The following PLPP4 variants were observed in gnomAD, a reference collection of about 807,000 sequenced individuals.
PLPP4 encodes the protein diacylglycerol pyrophosphate like 2.
PLPP4 carries 20 observed loss-of-function variants against 32.2 expected under a neutral mutation model. The observed-to-expected ratio is 0.62, with a 90% confidence interval of 0.44 to 0.90. The LOEUF is 0.90. Among genes scored for constraint, PLPP4 ranks in the 40% least tolerant of loss-of-function variants. PLPP4 has a pLI of 0.00. For missense variants in PLPP4, 257 were observed against 353.1 expected (o/e 0.73, Z 2.18); for synonymous variants, 127 against 133.0 (o/e 0.95, Z 0.31).
At chr10:120,546,530 C>G (rs537770784) in intron 5 of PLPP4, among the ~76,000 whole-genome samples, 3 of 152,166 alleles carry the variant, frequency 2.0e-5, no homozygotes, top group Non-Finnish European at 4.4e-5. Flanking sequence ...TGCATTTTCT[C>G]TCCTACCCAT....
chr10:120,548,787 A>G (rs11199394), intron 5 of PLPP4, among the ~76,000 whole-genome samples: 7,984 of 152,056 alleles, frequency 0.053, 308 homozygotes, highest in South Asian at 0.2. Context: ...ATGAAATGGT[A>G]TCTCTTGGTG....
At chr10:120,564,401 A>G (rs187043137) in intron 5 of PLPP4, among the ~76,000 whole-genome samples, 3 of 152,046 alleles carry the variant, frequency 2.0e-5, no homozygotes, top group African/African-American at 7.2e-5. Context: ...GTTTTTATAA[A>G]TATTCTATAT....
intron 5 of PLPP4, among the ~76,000 whole-genome samples, chr10:120,536,213 AAGAC>A (rs1424025749): frequency 6.6e-6 from 1 of 152,122 alleles, no homozygotes; most frequent in African/African-American, 2.4e-5. Context: ...TTTGCATGAA[AAGAC>A]AGAAGACCCC....
chr10:120,583,695 G>A (rs1849622561), intron 6 of PLPP4, among the ~76,000 whole-genome samples: 1 of 152,200 alleles, frequency 6.6e-6, no homozygotes, highest in Admixed American at 6.5e-5. Flanking sequence ...ACCATACAAT[G>A]TGTGGCCATT....
intron 5 of PLPP4, among the ~76,000 whole-genome samples, chr10:120,535,750 G>A (rs7069941): frequency 0.083 from 12,698 of 152,088 alleles, 598 homozygotes; most frequent in African/African-American, 0.12. Context: ...GTGACTTCAT[G>A]TGGATGCAAA....
At chr10:120,585,936 C>T (rs1343668662) in intron 6 of PLPP4, among the ~76,000 whole-genome samples, 1 of 152,188 alleles carries the variant, frequency 6.6e-6, no homozygotes, top group Non-Finnish European at 1.5e-5. Context: ...GTATTCCTTG[C>T]CTTTCTCCCA....
intron 6 of PLPP4, among the ~76,000 whole-genome samples, chr10:120,583,342 A>G (rs1849606967): frequency 6.6e-6 from 1 of 151,886 alleles, no homozygotes; most frequent in Admixed American, 6.6e-5. Flanking sequence ...TGTTATAGGT[A>G]AGGATTCAGA....
At chr10:120,581,066 G>T (rs142591049) in intron 6 of PLPP4, 2 of 1,280,750 alleles carry the variant, frequency 1.6e-6, no homozygotes, top group Non-Finnish European at 1.0e-6. Flanking sequence ...CCCTCCCTCC[G>T]GTCAAAGTCC....
intron 6 of PLPP4, among the ~76,000 whole-genome samples, chr10:120,576,960 G>A (rs143178932): frequency 5.9e-5 from 9 of 152,304 alleles, no homozygotes; most frequent in Non-Finnish European, 1.0e-4. Flanking sequence ...GCCTTTTATG[G>A]ACTGCTTCTC....
intron 5 of PLPP4, among the ~76,000 whole-genome samples, chr10:120,570,566 T>G (rs1564847060): frequency 1.3e-5 from 2 of 152,194 alleles, no homozygotes; most frequent in Non-Finnish European, 2.9e-5. Flanking sequence ...AGAGTTTTCT[T>G]TTTTGGTGCC....
At chr10:120,511,629 C>G (rs1012718403) in intron 2 of PLPP4, among the ~76,000 whole-genome samples, 16 of 152,130 alleles carry the variant, frequency 1.1e-4, no homozygotes, top group South Asian at 6.2e-4. Flanking sequence ...AGCTGGTAGC[C>G]TTCATGTTTG....
intron 5 of PLPP4, among the ~76,000 whole-genome samples, chr10:120,540,556 ATCC>A (rs1564826680): frequency 1.3e-5 from 2 of 152,200 alleles, no homozygotes; most frequent in African/African-American, 4.8e-5. Context: ...GAGGCATCGC[ATCC>A]TCCTGGCAGG....
At chr10:120,495,383 C>T (rs908969877) in intron 1 of PLPP4, among the ~76,000 whole-genome samples, 5 of 152,146 alleles carry the variant, frequency 3.3e-5, no homozygotes, top group Non-Finnish European at 5.9e-5. Flanking sequence ...AACATGTTCT[C>T]CCTATAACCA....
At chr10:120,564,280 G>A (rs1183436619) in intron 5 of PLPP4, among the ~76,000 whole-genome samples, 3 of 151,860 alleles carry the variant, frequency 2.0e-5, no homozygotes, top group Admixed American at 6.6e-5. Context: ...TATTTTTCTT[G>A]TTATATCTTC....
At chr10:120,512,341 A>G (rs1845763136) in intron 2 of PLPP4, among the ~76,000 whole-genome samples, 1 of 152,180 alleles carries the variant, frequency 6.6e-6, no homozygotes, top group Non-Finnish European at 1.5e-5. Context: ...AATACCCTCC[A>G]TGGTGGCAAG....
intron 5 of PLPP4, among the ~76,000 whole-genome samples, chr10:120,574,849 G>A (rs562751971): frequency 6.6e-6 from 1 of 152,352 alleles, no homozygotes; most frequent in East Asian, 1.9e-4. Context: ...ATCTAGTGCA[G>A]TGCCTGTCTA....
chr10:120,542,489 A>T (rs1209316447), intron 5 of PLPP4, among the ~76,000 whole-genome samples: 2 of 152,204 alleles, frequency 1.3e-5, no homozygotes, highest in Non-Finnish European at 2.9e-5. Context: ...CAACCTGGGG[A>T]CCACTGTTTC....
At chr10:120,566,031 T>C (rs1334798291) in intron 5 of PLPP4, among the ~76,000 whole-genome samples, 1 of 152,160 alleles carries the variant, frequency 6.6e-6, no homozygotes, top group Non-Finnish European at 1.5e-5. Context: ...TTCTATTTGG[T>C]CTTTTTAAAA....
intron 5 of PLPP4, among the ~76,000 whole-genome samples, chr10:120,569,285 C>A (rs888515494): frequency 2.6e-5 from 4 of 151,756 alleles, no homozygotes; most frequent in Non-Finnish European, 5.9e-5. Context: ...TACTTTCCCT[C>A]CTTGTATCTG....
Sources: allele counts gnomAD v4.1 joint callset (sites outside exome capture counted in the v4.1 genomes callset), GRCh38; gene constraint gnomAD v4.1.1; transcripts MANE v1.5; gene names NCBI Gene and HGNC (gene_info 2026-07-23, HGNC 2026-07-21).